The following APC variants were observed in gnomAD, a reference collection of about 807,000 sequenced individuals.
APC encodes the protein APC regulator of Wnt signaling pathway, also known as adenomatous polyposis coli protein.
Under a neutral mutation model 247.0 loss-of-function variants are expected in APC, and 72 were observed. The ratio of observed to expected loss-of-function variants is 0.29; its 90% confidence interval spans 0.24 to 0.35. The LOEUF (loss-of-function observed/expected upper bound fraction) is 0.35. APC is among the 10% of genes least tolerant of loss of function. APC has a pLI of 1.00. For synonymous variants in APC, 1,254 were observed against 1,162.5 expected (o/e 1.08, Z -1.60); for missense variants, 3,400 against 3,360.7 (o/e 1.01, Z -0.29).
In APC at chr5:112,843,062, G is replaced by A. The variant is rs538230198; in HGVS notation, c.7468G>A (p.Asp2490Asn). The A allele has an allele frequency of 7.7e-5, 125 of 1,613,928 alleles. No individual in the cohort carries two copies. Among genetic ancestry groups the A allele is most frequent in the Non-Finnish European group, 1.0e-4 (118 of 1,179,848 alleles). Residue 2490 changes from aspartate (D) to asparagine (N), a missense_variant, in exon 16 of 16, where the codon GAT becomes AAT. Asp to Asn is a conservative substitution (Grantham distance 23). This residue lies in a region of APC where 1,788 missense variants were observed against 1,649.5 expected (regional missense o/e 1.08). Transcript: ENST00000257430. The surrounding 1 kb of genome is among the most constrained non-coding windows in gnomAD (Gnocchi z 4.8). The part of the protein sequence containing the change: ...QTPVLSPSLP[D>N]MSLSTHSSVQ... ...TCCAGTTTTAAGTCCTTCCCTTCCT[G>A]ATATGTCTCTATCCACACATTCGTC...
chr5:112,725,927 G>A (rs532068174), intron 1 of APC, among the ~76,000 whole-genome samples: 7 of 152,330 alleles, frequency 4.6e-5, no homozygotes, highest in African/African-American at 1.7e-4. Flanking sequence ...TCAGGATCAA[G>A]ATCCTTATTA....
chr5:112,765,975 C>T (rs1756256513), intron 2 of APC, among the ~76,000 whole-genome samples: 1 of 152,112 alleles, frequency 6.6e-6, no homozygotes, highest in African/African-American at 2.4e-5. Flanking sequence ...ATTCTAAACA[C>T]ATAAGTAGCT....
intron 1 of APC, among the ~76,000 whole-genome samples, chr5:112,723,698 A>C (rs1751609199): frequency 2.6e-5 from 4 of 152,238 alleles, no homozygotes; most frequent in Admixed American, 2.6e-4. Flanking sequence ...ATGCTGTATT[A>C]ACTGCCATTA....
chr5:112,719,723 T>C (rs1425351662), intron 1 of APC, among the ~76,000 whole-genome samples: 2 of 151,940 alleles, frequency 1.3e-5, no homozygotes, highest in Non-Finnish European at 2.9e-5. Context: ...TTAGTAGAGA[T>C]GGAGTTTCAG....
chr5:112,773,795 A>G (rs1757306443), intron 4 of APC, among the ~76,000 whole-genome samples: 1 of 152,196 alleles, frequency 6.6e-6, no homozygotes, highest in Non-Finnish European at 1.5e-5. Context: ...TAATATAGAA[A>G]AGGTCCTACA....
chr5:112,831,275 G>GT (rs1446733249), intron 14 of APC, among the ~76,000 whole-genome samples: 4 of 151,982 alleles, frequency 2.6e-5, no homozygotes, highest in African/African-American at 9.7e-5. Flanking sequence ...TGCCCAGCTA[G>GT]TTTTTGTATT....
At chr5:112,814,797 C>T (rs780158672) in intron 8 of APC, among the ~76,000 whole-genome samples, 1 of 152,200 alleles carries the variant, frequency 6.6e-6, no homozygotes, top group Non-Finnish European at 1.5e-5. Flanking sequence ...TCTAACCATA[C>T]ACCTTGTGTT....
rs41115 is a variant in APC at position 112,840,073 on chromosome 5, G to A, written c.4479G>A (p.Thr1493=). 1,008,600 of 1,613,660 alleles carry A rather than the reference G, an allele frequency of 0.63. 318,158 individuals carry two copies. The highest frequency in any genetic ancestry group is 0.84 in the East Asian group (37,608 of 44,882). The change falls in exon 16 of 16, where the codon ACG becomes ACA. Residue 1493 remains threonine, a synonymous_variant. Coordinates refer to ENST00000257430, the MANE Select transcript of APC (RefSeq NM_000038.6). This position sits in a 1 kb window ranked among gnomAD's most constrained non-coding sequence, Gnocchi z 4.1. ...PDADTLLHFA[T]ESTPDGFSCS... The stretch of plus-strand genomic sequence containing the variant: ...CTGATACTTTATTACATTTTGCCAC[G>A]GAAAGTACTCCAGATGGATTTTCTT...
intron 4 of APC, among the ~76,000 whole-genome samples, chr5:112,774,579 A>G (rs1050483429): frequency 1.3e-5 from 2 of 149,584 alleles, no homozygotes; most frequent in East Asian, 2.0e-4. Flanking sequence ...TCCCAGCTCA[A>G]CCTCCCAAGT....
chr5:112,736,802 T>G (rs976804405), upstream of APC, among the ~76,000 whole-genome samples: 2 of 152,098 alleles, frequency 1.3e-5, no homozygotes, highest in Non-Finnish European at 1.5e-5. Context: ...TAGTCCCAGC[T>G]ACTTGGGAGG....
chr5:112,802,038 T>C (rs1184225240), intron 8 of APC, among the ~76,000 whole-genome samples: 1 of 152,088 alleles, frequency 6.6e-6, no homozygotes, highest in African/African-American at 2.4e-5. Flanking sequence ...TTCTTTAGGG[T>C]GTTCTGTATT....
chr5:112,730,847 T>TA (rs1350373471), intron 1 of APC, among the ~76,000 whole-genome samples: 3 of 151,814 alleles, frequency 2.0e-5, no homozygotes, highest in Non-Finnish European at 4.4e-5. Flanking sequence ...GTACTTAACT[T>TA]AAAAAAAATG....
chr5:112,773,403 C>T (rs531523883), intron 4 of APC, among the ~76,000 whole-genome samples: 133 of 152,234 alleles, frequency 8.7e-4, no homozygotes, highest in Non-Finnish European at 9.6e-4. Context: ...AAATTTTCTA[C>T]ATGGCAAAAC....
chr5:112,806,134 G>A (rs1447916348), intron 8 of APC, among the ~76,000 whole-genome samples: 1 of 152,170 alleles, frequency 6.6e-6, no homozygotes, highest in Non-Finnish European at 1.5e-5. Flanking sequence ...CAGTTCATGT[G>A]TGTCTGAGCT....
chr5:112,707,676 A>C, exon 1 of APC: 2 of 1,370,006 alleles, frequency 1.5e-6, no homozygotes, highest in Non-Finnish European at 1.9e-6. Context: ...TTGGTGAGGA[A>C]GGTGAAGCAC....
At chr5:112,836,179 C>CCA (rs59264373) in intron 15 of APC, among the ~76,000 whole-genome samples, 6 of 64,792 alleles carry the variant, frequency 9.3e-5, no homozygotes, top group Non-Finnish European at 7.0e-5. Context: ...CCCCCCCCCC[C>CCA]GCCACCGTGC....
intron 1 of APC, among the ~76,000 whole-genome samples, chr5:112,732,606 T>C (rs1316097372): frequency 6.6e-6 from 1 of 152,238 alleles, no homozygotes; most frequent in East Asian, 1.9e-4. Flanking sequence ...CTTTTTAAAA[T>C]AATGTTTAAT....
chr5:112,833,408 C>T (rs1393333148), intron 14 of APC, among the ~76,000 whole-genome samples: 3 of 152,116 alleles, frequency 2.0e-5, no homozygotes, highest in South Asian at 2.1e-4. Flanking sequence ...GTCTCGATCT[C>T]CTGACCTCGT....
intron 14 of APC, among the ~76,000 whole-genome samples, chr5:112,833,390 T>G (rs1035910707): frequency 1.3e-5 from 2 of 151,964 alleles, no homozygotes; most frequent in African/African-American, 4.8e-5. Context: ...ACCATGTTGA[T>G]CAGGATGGTC....
Sources: gnomAD v4.1 joint callset for allele counts (sites outside exome capture counted in the v4.1 genomes callset) on GRCh38, gnomAD v4.1.1 for gene constraint, gnomAD v4.1.1 regional missense constraint, Gnocchi (gnomAD v3.1) non-coding constraint, MANE v1.5 for transcripts, NCBI Gene and HGNC (gene_info 2026-07-23, HGNC 2026-07-21) for gene names.